The following ASTN2 variants were observed in gnomAD, a reference collection of about 807,000 sequenced individuals.
ASTN2 encodes the protein astrotactin-2.
ASTN2 carries 54 observed loss-of-function variants against 139.8 expected under a neutral mutation model. That is an observed-to-expected ratio of 0.39 (90% CI 0.31 to 0.48). The LOEUF is 0.48. Among genes scored for constraint, ASTN2 ranks in the 20% least tolerant of loss-of-function variants. The probability of loss-of-function intolerance (pLI) is 0.95; values close to 1 mark genes in which losing one functional copy is unlikely to be tolerated. For synonymous variants in ASTN2, 756 were observed against 719.5 expected (o/e 1.05, Z -0.81); for missense variants, 1,565 against 1,725.1 (o/e 0.91, Z 1.64).
intron 2 of ASTN2, among the ~76,000 whole-genome samples, chr9:117,260,479 CT>C (rs1833795589): frequency 6.6e-6 from 1 of 152,092 alleles, no homozygotes; most frequent in Non-Finnish European, 1.5e-5. Context: ...ACTTCATGTG[CT>C]TTAGTGCATA....
intron 16 of ASTN2, among the ~76,000 whole-genome samples, chr9:116,658,222 G>T (rs746161449): frequency 6.6e-6 from 1 of 152,172 alleles, no homozygotes; most frequent in Non-Finnish European, 1.5e-5. Flanking sequence ...ACCCTCAGGA[G>T]TGCCACTTGG....
chr9:116,520,447 G>C (rs968585853), intron 19 of ASTN2, among the ~76,000 whole-genome samples: 4 of 151,908 alleles, frequency 2.6e-5, no homozygotes, highest in African/African-American at 9.7e-5. Flanking sequence ...ACAAAACCCA[G>C]CATTCCTTTA....
chr9:117,049,374 A>C (rs1370986639), intron 5 of ASTN2, among the ~76,000 whole-genome samples: 1 of 152,196 alleles, frequency 6.6e-6, no homozygotes, highest in Admixed American at 6.6e-5. Context: ...TTTGCATTAC[A>C]TTCTGTTTAA....
At chr9:117,053,071 T>A (rs942215857) in intron 5 of ASTN2, among the ~76,000 whole-genome samples, 3 of 152,202 alleles carry the variant, frequency 2.0e-5, no homozygotes, top group African/African-American at 7.2e-5. Context: ...GAAACACATA[T>A]TCTATATGAG....
At chr9:117,189,444 T>G (rs1407215863) in intron 3 of ASTN2, among the ~76,000 whole-genome samples, 6 of 152,162 alleles carry the variant, frequency 3.9e-5, no homozygotes, top group African/African-American at 1.4e-4. Context: ...CCACAAACGC[T>G]GCATCCCCCA....
At chr9:117,078,974 G>T (rs375307481) in intron 5 of ASTN2, among the ~76,000 whole-genome samples, 1 of 152,146 alleles carries the variant, frequency 6.6e-6, no homozygotes, top group Non-Finnish European at 1.5e-5. Flanking sequence ...GACCTCAGGC[G>T]ATCTGCCTGC....
chr9:116,533,215 C>A (rs1368496302), intron 19 of ASTN2, among the ~76,000 whole-genome samples: 2 of 152,130 alleles, frequency 1.3e-5, no homozygotes, highest in Non-Finnish European at 2.9e-5. Flanking sequence ...GATTTTGTAT[C>A]CTGAGACTTT....
intron 3 of ASTN2, among the ~76,000 whole-genome samples, chr9:117,149,171 C>A (rs1830270942): frequency 6.6e-6 from 1 of 152,020 alleles, no homozygotes; most frequent in Non-Finnish European, 1.5e-5. Flanking sequence ...AGGCATGTAC[C>A]ACCATGTCCG....
chr9:116,950,818 G>A (rs1049324724), intron 10 of ASTN2, among the ~76,000 whole-genome samples: 1 of 152,152 alleles, frequency 6.6e-6, no homozygotes, highest in South Asian at 2.1e-4. Flanking sequence ...GCCAGTCATA[G>A]CACCTGATTC....
chr9:116,549,372 T>A (rs149782268), intron 19 of ASTN2, among the ~76,000 whole-genome samples: 1 of 152,074 alleles, frequency 6.6e-6, no homozygotes, highest in Non-Finnish European at 1.5e-5. Context: ...CACGAGCAAC[T>A]CGGATAGTAC....
chr9:116,777,938 G>A (rs1435474981), intron 13 of ASTN2, among the ~76,000 whole-genome samples: 1 of 152,020 alleles, frequency 6.6e-6, no homozygotes, highest in Non-Finnish European at 1.5e-5. Context: ...CACCTCCCGG[G>A]TTCAAGCAAT....
At position 116,698,719 on chromosome 9, in the gene ASTN2, A is replaced by T. The variant is rs774419345; in HGVS notation, c.2806+27052T>A. ...ACCTCTGTTACTTTTAGAGAGATGG[A>T]CATGAGCCCGGAGGAAGTGGTTGCC... On this transcript the variant is annotated intron_variant, in intron 16 of 22. Transcript: ENST00000313400. The surrounding 1 kb of genome is among the most constrained non-coding windows in gnomAD (Gnocchi z 4.4). The T allele has an allele frequency of 4.3e-6, 7 of 1,614,202 alleles. No homozygotes were observed. The South Asian group carries it at 5.5e-5, about 13-fold the overall frequency.
At chr9:117,255,835 C>G (rs1467250465) in intron 2 of ASTN2, among the ~76,000 whole-genome samples, 1 of 152,102 alleles carries the variant, frequency 6.6e-6, no homozygotes, top group African/African-American at 2.4e-5. Context: ...CTAGAAGCCA[C>G]CGGGGCAAGT....
chr9:116,713,002 C>T (rs1483282190), intron 16 of ASTN2, among the ~76,000 whole-genome samples: 1 of 152,088 alleles, frequency 6.6e-6, no homozygotes, highest in East Asian at 1.9e-4. Flanking sequence ...TGCCTATTAG[C>T]AGCCATGTGA....
intron 16 of ASTN2, among the ~76,000 whole-genome samples, chr9:116,703,488 A>G (rs1827904391): frequency 6.6e-6 from 1 of 151,264 alleles, no homozygotes; most frequent in African/African-American, 2.4e-5. Flanking sequence ...AAAAAACCAA[A>G]CACCGCATAT....
chr9:116,452,980 C>A (rs1848218588), intron 20 of ASTN2, among the ~76,000 whole-genome samples: 1 of 152,140 alleles, frequency 6.6e-6, no homozygotes, highest in African/African-American at 2.4e-5. Flanking sequence ...TTTGCCAAAG[C>A]CAAGCTCAGA....
chr9:117,076,408 GA>G lies in ASTN2; in HGVS notation c.1276+19635del, dbSNP rs149924939. On this transcript the variant is annotated intron_variant, in intron 5 of 22. Coordinates refer to ENST00000313400, the MANE Select transcript of ASTN2 (RefSeq NM_001365068.1). ...GGAAGGAAAGAAGGAAGGAGAAAAAGAGGGGGGGATAGAAGAAGGGAGGGAT... is the reference window on the plus strand; with the variant it reads ...GGAAGGAAAGAAGGAAGGAGAAAAAGGGGGGGGATAGAAGAAGGGAGGGAT... 1.8e-4 allele frequency among the ~76,000 whole-genome samples: 28 copies of G among 152,180 alleles called. 1 individual carries two copies. In the East Asian group the frequency reaches 5.4e-3, roughly 29 times the overall value.
At chr9:117,281,104 T>A (rs1834313583) in intron 2 of ASTN2, among the ~76,000 whole-genome samples, 1 of 152,190 alleles carries the variant, frequency 6.6e-6, no homozygotes. Context: ...GCTCAAAGGA[T>A]GTTTGTGAAG....
intron 10 of ASTN2, among the ~76,000 whole-genome samples, chr9:116,920,028 C>T (rs534563914): frequency 6.6e-6 from 1 of 152,088 alleles, no homozygotes; most frequent in South Asian, 2.1e-4. Context: ...GCACTTCCTG[C>T]TCTTTGCAAT....
Sources: gnomAD v4.1 joint callset for allele counts (sites outside exome capture counted in the v4.1 genomes callset) on GRCh38, gnomAD v4.1.1 for gene constraint, Gnocchi (gnomAD v3.1) non-coding constraint, MANE v1.5 for transcripts, NCBI Gene and HGNC (gene_info 2026-07-23, HGNC 2026-07-21) for gene names.